The following TCAIM variants were observed in gnomAD, a reference collection of about 807,000 sequenced individuals.
TCAIM encodes T-cell activation inhibitor, mitochondrial.
TCAIM carries 36 observed loss-of-function variants against 58.6 expected under a neutral mutation model. That is an observed-to-expected ratio of 0.61 (90% CI 0.47 to 0.81). The LOEUF is 0.81. Among genes scored for constraint, TCAIM ranks in the 30% least tolerant of loss-of-function variants. The pLI is 0.00. For missense variants in TCAIM, 466 were observed against 579.6 expected (o/e 0.80, Z 2.01); for synonymous variants, 172 against 193.6 (o/e 0.89, Z 0.93).
intron 8 of TCAIM, among the ~76,000 whole-genome samples, chr3:44,398,704 A>G (rs1701977636): frequency 1.3e-5 from 2 of 152,214 alleles, no homozygotes; most frequent in African/African-American, 4.8e-5. Flanking sequence ...CAGCAGAGAA[A>G]TGAAAAATTA....
intron 1 of TCAIM, among the ~76,000 whole-genome samples, chr3:44,352,408 GA>G (rs1234509279): frequency 1.3e-5 from 2 of 152,124 alleles, no homozygotes; most frequent in Non-Finnish European, 2.9e-5. Context: ...TACATTATTG[GA>G]AAAGTTCATG....
intron 4 of TCAIM, among the ~76,000 whole-genome samples, chr3:44,363,744 C>G (rs1575249781): frequency 6.6e-6 from 1 of 151,932 alleles, no homozygotes; most frequent in East Asian, 1.9e-4. Context: ...AAAACAGAAT[C>G]CTTTACTTTC....
intron 5 of TCAIM, among the ~76,000 whole-genome samples, chr3:44,373,353 T>C (rs1701510441): frequency 6.6e-6 from 1 of 152,170 alleles, no homozygotes; most frequent in East Asian, 1.9e-4. Flanking sequence ...CTTTGTTATA[T>C]ACCTATAAAA....
chr3:44,354,638 A>G (rs1575242210), intron 1 of TCAIM, 101 bp from the exon 2 acceptor site: 1 of 743,518 alleles, frequency 1.3e-6, no homozygotes, highest in Admixed American at 3.0e-5. Context: ...TATAAGATTA[A>G]TAACTAAGTA....
At chr3:44,356,843 G>A (rs1316018733) in intron 2 of TCAIM, among the ~76,000 whole-genome samples, 1 of 151,544 alleles carries the variant, frequency 6.6e-6, no homozygotes, top group Non-Finnish European at 1.5e-5. Flanking sequence ...GGCGGTAGTG[G>A]CACATGCCTG....
intron 1 of TCAIM, 22 bp from the exon 2 acceptor site, chr3:44,354,717 T>C: frequency 7.2e-6 from 11 of 1,524,998 alleles, no homozygotes; most frequent in Non-Finnish European, 9.8e-6. Flanking sequence ...TGTTCATTTG[T>C]GATATCTGCT....
At position 44,392,916 on chromosome 3, in the gene TCAIM, A is replaced by G; in HGVS notation, c.634A>G (p.Arg212Gly). The change falls in exon 6 of 11, where the codon AGA becomes GGA. Residue 212 changes from arginine to glycine, a missense_variant. Transcript: ENST00000342649. ...VKKLKNSLPL[R>G]KELDRLKDEL... ...AAAGCTAAAGAACAGTTTGCCACTT[A>G]GAAAAGAACTAGATCGTTTAAAAGA... 6.2e-7 allele frequency: 1 copy of G among 1,613,652 alleles called. No individual in the cohort carries two copies. Among genetic ancestry groups the G allele is most frequent in the East Asian group, 2.2e-5 (1 of 44,762 alleles).
At chr3:44,407,413 T>C in intron 10 of TCAIM, 29 bp from the exon 11 acceptor site, 3 of 1,343,614 alleles carry the variant, frequency 2.2e-6, no homozygotes, top group Non-Finnish European at 3.1e-6. Context: ...TTTGTTCTTA[T>C]GACAATATTT....
Position 44,407,623 on chromosome 3 carries a change from A to G in TCAIM, c.1432A>G (p.Met478Val), listed in dbSNP as rs1348437981. The G allele has an allele frequency of 6.2e-7, 1 of 1,613,782 alleles. No homozygotes were observed. Among genetic ancestry groups the G allele is most frequent in the Non-Finnish European group, 8.5e-7 (1 of 1,179,844 alleles). Residue 478 changes from methionine to valine, a missense_variant, in exon 11 of 11, where the codon ATG becomes GTG. Coordinates refer to ENST00000342649, the MANE Select transcript of TCAIM (RefSeq NM_173826.4). ...HLCISHFYSV[M>V]QDGDLCIPWN... ...CTGCATTTCACATTTTTACTCTGTT[A>G]TGCAAGATGGAGACCTTTGTATTCC...
At chr3:44,402,127 G>A (rs908316787) in intron 10 of TCAIM, among the ~76,000 whole-genome samples, 6 of 151,598 alleles carry the variant, frequency 4.0e-5, no homozygotes, top group East Asian at 3.9e-4. Flanking sequence ...ATTTTAGGCC[G>A]TGCACAGTGG....
At chr3:44,373,167 G>A (rs1701507537) in intron 5 of TCAIM, among the ~76,000 whole-genome samples, 1 of 151,782 alleles carries the variant, frequency 6.6e-6, no homozygotes, top group South Asian at 2.1e-4. Context: ...TTGTTTGGTT[G>A]CCTAGACTGG....
intron 1 of TCAIM, 115 bp downstream of exon 1, chr3:44,338,949 TGAG>T (rs900378875): frequency 2.6e-5 from 4 of 152,290 alleles, no homozygotes; most frequent in African/African-American, 9.6e-5. Context: ...ACTTTTGAAT[TGAG>T]GCAGTGCCAG....
chr3:44,390,192 A>G (rs1701812110), intron 5 of TCAIM, among the ~76,000 whole-genome samples: 1 of 152,216 alleles, frequency 6.6e-6, no homozygotes, highest in Non-Finnish European at 1.5e-5. Flanking sequence ...TAAGTGTTTA[A>G]TAGATGCATA....
At chr3:44,400,245 A>G (rs1395430221) in intron 8 of TCAIM, 110 bp from the exon 9 acceptor site, 7 of 849,634 alleles carry the variant, frequency 8.2e-6, no homozygotes, top group Non-Finnish European at 1.3e-5. Context: ...TCCTTCAATG[A>G]AAATCATTTT....
intron 10 of TCAIM, among the ~76,000 whole-genome samples, chr3:44,406,893 G>A (rs1702109280): frequency 6.6e-6 from 1 of 152,146 alleles, no homozygotes. Flanking sequence ...TTGTAGACCT[G>A]AACTGAAGCC....
intron 10 of TCAIM, among the ~76,000 whole-genome samples, chr3:44,404,631 T>C (rs372987098): frequency 6.6e-5 from 10 of 152,226 alleles, no homozygotes; most frequent in African/African-American, 2.4e-4. Flanking sequence ...GTCCCTGCCC[T>C]AGTAAGACAC....
intron 1 of TCAIM, among the ~76,000 whole-genome samples, chr3:44,342,480 A>G (rs1700873595): frequency 6.6e-6 from 1 of 152,256 alleles, no homozygotes; most frequent in Non-Finnish European, 1.5e-5. Flanking sequence ...AGTTTAGACC[A>G]GTTTCATCAA....
chr3:44,373,593 G>A (rs1701515651), intron 5 of TCAIM, among the ~76,000 whole-genome samples: 1 of 152,110 alleles, frequency 6.6e-6, no homozygotes, highest in South Asian at 2.1e-4. Context: ...GGCAGAGATT[G>A]CAGTGAACCA....
intron 5 of TCAIM, among the ~76,000 whole-genome samples, chr3:44,372,050 GA>G (rs1559571068): frequency 1.9e-4 from 29 of 149,430 alleles, no homozygotes; most frequent in African/African-American, 5.0e-4. Flanking sequence ...AGGAAGGAAG[GA>G]AGGAAGGAAG....
Sources: allele counts gnomAD v4.1 joint callset (sites outside exome capture counted in the v4.1 genomes callset), GRCh38; gene constraint gnomAD v4.1.1; transcripts MANE v1.5; gene names NCBI Gene and HGNC (gene_info 2026-07-23, HGNC 2026-07-21).